Variants in TNFAIP8L1 observed in about 807,000 individuals in gnomAD.
TNFAIP8L1 encodes TNF alpha induced protein 8 like 1, also known as tumor necrosis factor alpha-induced protein 8-like protein 1.
For missense variants in TNFAIP8L1, 225 were observed against 266.1 expected, an observed-to-expected ratio of 0.85 and a Z score of 1.08; for synonymous variants, 127 against 125.6, an observed-to-expected ratio of 1.01 and a Z score of -0.08.
At position 4,639,523 on chromosome 19, in the gene TNFAIP8L1, G is replaced by C. The variant is rs1487504580; in HGVS notation, c.-110G>C. 1 of 151,794 alleles carries C rather than the reference G, an allele frequency of 6.6e-6. No homozygotes were observed. Among genetic ancestry groups the C allele is most frequent in the Non-Finnish European group, 1.5e-5 (1 of 67,694 alleles). The allele number at this position is 151,794 out of a possible 1,614,324, so 9.4% of individuals were successfully genotyped here. A position where few individuals can be genotyped will look rare whatever the true frequency, so the allele number is the denominator to read the frequency against. ...CGCTGCCCGCCCCGCCCCGGCCCCG[G>C]CCCCGGCTCCGGCGCTGCTCCCACC... On this transcript the variant is annotated 5_prime_UTR_variant, in exon 1 of 2. Transcript: ENST00000327473.
At chr19:4,644,476 T>A (rs1599824108) in intron 1 of TNFAIP8L1, among the ~76,000 whole-genome samples, 1 of 148,838 alleles carries the variant, frequency 6.7e-6, no homozygotes, top group East Asian at 2.0e-4. Context: ...GCCCAGGAGG[T>A]CGAGGCTATA....
intron 1 of TNFAIP8L1, chr19:4,640,573 GT>G (rs1394438347): frequency 2.6e-5 from 4 of 152,300 alleles, no homozygotes; most frequent in African/African-American, 9.6e-5. Context: ...CGGAGCCTCA[GT>G]TTCCTCATCT....
chr19:4,648,431 C>T (rs762921183), intron 1 of TNFAIP8L1, among the ~76,000 whole-genome samples: 1 of 152,190 alleles, frequency 6.6e-6, no homozygotes, highest in Admixed American at 6.5e-5. Context: ...TGGATGGGAG[C>T]GTTTCTGGCA....
chr19:4,642,233 C>G (rs993233174), intron 1 of TNFAIP8L1: 2 of 152,174 alleles, frequency 1.3e-5, no homozygotes, highest in African/African-American at 4.8e-5. Context: ...GTAATCCCAG[C>G]ACTTTGGGAG....
At position 4,652,380 on chromosome 19, in the gene TNFAIP8L1, C is replaced by T. The variant is rs1261988923; in HGVS notation, c.511C>T (p.Arg171Cys). 3.9e-6 allele frequency: 6 copies of T among 1,553,510 alleles called. No homozygotes were observed. Among genetic ancestry groups the T allele is most frequent in the African/African-American group, 1.4e-5 (1 of 73,234 alleles). ...GPAEPYRSHL[R>C]RICEGLGRML... Reference sequence around the variant, plus strand: ...CGCCGAGCCCTACCGCTCCCACCTGCGCAGGATCTGCGAGGGCCTGGGCCG... The same window carrying T: ...CGCCGAGCCCTACCGCTCCCACCTGTGCAGGATCTGCGAGGGCCTGGGCCG... Residue 171 changes from arginine to cysteine, a missense_variant, in exon 2 of 2, where the codon CGC becomes TGC. Arg to Cys is a radical substitution (Grantham distance 180). Coordinates refer to ENST00000327473, the MANE Select transcript of TNFAIP8L1 (RefSeq NM_152362.3).
intron 1 of TNFAIP8L1, among the ~76,000 whole-genome samples, chr19:4,649,321 C>A (rs1355489278): frequency 6.6e-6 from 1 of 151,988 alleles, no homozygotes; most frequent in Non-Finnish European, 1.5e-5. Flanking sequence ...GGCGGAATTC[C>A]AGGCAGTGGT....
intron 1 of TNFAIP8L1, among the ~76,000 whole-genome samples, chr19:4,651,123 A>G (rs752157615): frequency 5.9e-4 from 90 of 151,876 alleles, no homozygotes; most frequent in Non-Finnish European, 1.2e-3. Context: ...CTCACTTGGA[A>G]CCCCACCTCA....
intron 1 of TNFAIP8L1, among the ~76,000 whole-genome samples, chr19:4,650,688 GGGC>G (rs538750111): frequency 0.012 from 1,793 of 152,162 alleles, 32 homozygotes; most frequent in African/African-American, 0.042. Context: ...GCCTGGACGG[GGGC>G]TGTCCAAGTC....
At chr19:4,648,731 C>A (rs937229997) in intron 1 of TNFAIP8L1, among the ~76,000 whole-genome samples, 4 of 152,166 alleles carry the variant, frequency 2.6e-5, no homozygotes, top group Middle Eastern at 3.2e-3. Flanking sequence ...AGGGGCACAG[C>A]CCTGCCTGGG....
chr19:4,643,020 T>C (rs2088276993), intron 1 of TNFAIP8L1, among the ~76,000 whole-genome samples: 1 of 151,898 alleles, frequency 6.6e-6, no homozygotes. Flanking sequence ...GGGTGGCTCA[T>C]GTAATCCCAG....
At position 4,652,374 on chromosome 19, in the gene TNFAIP8L1, CACCTGCGCAGG is replaced by C; in HGVS notation, c.507_517del (p.Arg172GlyfsTer62). 6.4e-7 allele frequency: 1 copy of C among 1,555,394 alleles called. No homozygotes were observed. Among genetic ancestry groups the C allele is most frequent in the Non-Finnish European group, 8.7e-7 (1 of 1,152,446 alleles). On this transcript the variant is annotated frameshift_variant, in exon 2 of 2. Coordinates refer to ENST00000327473, the MANE Select transcript of TNFAIP8L1 (RefSeq NM_152362.3). LOFTEE classifies it low-confidence loss of function (END_TRUNC). ...CGGCCCCGCCGAGCCCTACCGCTCC[CACCTGCGCAGG>C]ATCTGCGAGGGCCTGGGCCGGATGC...
At position 4,650,033 on chromosome 19, in the gene TNFAIP8L1, G is replaced by T. The variant is rs572819455; in HGVS notation, c.-3-1834G>T. Among the ~76,000 whole-genome samples, 432 of 152,284 alleles carry T rather than the reference G, an allele frequency of 2.8e-3. 7 individuals are homozygous for T. The highest frequency in any genetic ancestry group is 0.01 in the African/African-American group (421 of 41,556). ...TGGGGCAGTGAGAGAGACCGGGGGC[G>T]GGTCTCAGGCCCTCCCTCCTCCGCC... On this transcript the variant is annotated intron_variant, in intron 1 of 1. Transcript: ENST00000327473.
intron 1 of TNFAIP8L1, among the ~76,000 whole-genome samples, chr19:4,644,123 A>G (rs1250840596): frequency 1.2e-4 from 18 of 152,204 alleles, no homozygotes; most frequent in Non-Finnish European, 2.5e-4. Context: ...TGGGAGGCTG[A>G]GGCAGGAGAA....
chr19:4,642,506 T>C (rs1207641751), intron 1 of TNFAIP8L1: 1 of 149,356 alleles, frequency 6.7e-6, no homozygotes, highest in African/African-American at 2.5e-5. Flanking sequence ...AAATTAAAAA[T>C]ATACACATAA....
At chr19:4,644,550 A>G (rs1489957007) in intron 1 of TNFAIP8L1, among the ~76,000 whole-genome samples, 1 of 151,932 alleles carries the variant, frequency 6.6e-6, no homozygotes, top group East Asian at 1.9e-4. Context: ...GTCTTAAAAA[A>G]AAAATGAATA....
chr19:4,644,653 C>T (rs1417886612), intron 1 of TNFAIP8L1, among the ~76,000 whole-genome samples: 1 of 110,242 alleles, frequency 9.1e-6, no homozygotes, highest in Non-Finnish European at 1.7e-5. Context: ...CACTCTGTTT[C>T]TCAGGCTGGA....
rs2088241811 is a variant in TNFAIP8L1 at position 4,639,613 on chromosome 19, C to G, written c.-20C>G. ...GACCCCCGACGGTTGGACGTACGGA[C>G]TCTGCTTCGAGAGTAGGTGAGCGAG... On this transcript the variant is annotated 5_prime_UTR_variant, in exon 1 of 2. Coordinates refer to ENST00000327473, the MANE Select transcript of TNFAIP8L1 (RefSeq NM_152362.3). 1 of 152,628 alleles carries G rather than the reference C, an allele frequency of 6.6e-6. No homozygotes were observed. The highest frequency in any genetic ancestry group is 6.5e-5 in the Admixed American group (1 of 15,284). 9.5% of individuals were successfully genotyped at this position (152,628 alleles called of 1,614,324 possible). A position where few individuals can be genotyped will look rare whatever the true frequency, so the allele number is the denominator to read the frequency against.
Position 4,655,049 on chromosome 19 carries a change from A to C in TNFAIP8L1, c.*2619A>C, listed in dbSNP as rs1016689504. On this transcript the variant is annotated 3_prime_UTR_variant, in exon 2 of 2. Transcript: ENST00000327473. ...TGCATTTAAAACCAAGAGATCACAC[A>C]CACCTGTCTGGATTTGGAGTTTCTC... The C allele has an allele frequency of 6.6e-6, 1 of 152,176 alleles. No individual in the cohort carries two copies. The highest frequency in any genetic ancestry group is 6.5e-5 in the Admixed American group (1 of 15,278). The allele number at this position is 152,176 out of a possible 1,614,324, so 9.4% of individuals were successfully genotyped here. A position where few individuals can be genotyped will look rare whatever the true frequency, so the allele number is the denominator to read the frequency against.
At chr19:4,647,096 G>A (rs2088319027) in intron 1 of TNFAIP8L1, among the ~76,000 whole-genome samples, 1 of 152,168 alleles carries the variant, frequency 6.6e-6, no homozygotes, top group Admixed American at 6.6e-5. Context: ...ATCTCATTTT[G>A]TTTATTCATT....
Sources: gnomAD v4.1 joint callset for allele counts (sites outside exome capture counted in the v4.1 genomes callset) on GRCh38, gnomAD v4.1.1 for gene constraint, MANE v1.5 for transcripts, NCBI Gene and HGNC (gene_info 2026-07-23, HGNC 2026-07-21) for gene names.